CRYBG1: variants seen among roughly 807,000 people sequenced by gnomAD.
CRYBG1 encodes crystallin beta-gamma domain containing 1, also known as beta/gamma crystallin domain-containing protein 1.
CRYBG1 carries 139 observed loss-of-function variants against 189.2 expected under a neutral mutation model. That is an observed-to-expected ratio of 0.73 (90% confidence interval 0.64 to 0.85). CRYBG1 has a LOEUF of 0.85. Ranked by LOEUF, CRYBG1 falls within the 40% of genes least tolerant of loss-of-function variation. The pLI, the probability that CRYBG1 is intolerant of heterozygous loss-of-function variation, is 0.00. For missense variants in CRYBG1, 2,611 were observed against 2,675.8 expected (o/e 0.98, Z 0.53); for synonymous variants, 1,023 against 1,017.1 (o/e 1.01, Z -0.11).
At chr6:106,554,957 G>A (rs1186088395) in intron 16 of CRYBG1, among the ~76,000 whole-genome samples, 1 of 152,118 alleles carries the variant, frequency 6.6e-6, no homozygotes, top group African/African-American at 2.4e-5. Context: ...ACCAGGTCAG[G>A]ATTTCGAGAC....
chr6:106,361,687 A>G (rs1771872221), intron 1 of CRYBG1, among the ~76,000 whole-genome samples: 1 of 152,138 alleles, frequency 6.6e-6, no homozygotes, highest in African/African-American at 2.4e-5. Context: ...TGTAGTTACC[A>G]TTGTGCTTTT....
chr6:106,486,933 T>G (rs779862209), intron 2 of CRYBG1, among the ~76,000 whole-genome samples: 5 of 152,188 alleles, frequency 3.3e-5, no homozygotes, highest in Middle Eastern at 3.2e-3. Context: ...GGTAAGGACT[T>G]ACTCCTGCCA....
chr6:106,372,919 T>C (rs1388597282), intron 1 of CRYBG1, among the ~76,000 whole-genome samples: 1 of 152,204 alleles, frequency 6.6e-6, no homozygotes, highest in Admixed American at 6.5e-5. Flanking sequence ...CAGAGCAGTA[T>C]TTGAAATACT....
At chr6:106,454,463 A>G (rs1771845627) in intron 2 of CRYBG1, among the ~76,000 whole-genome samples, 2 of 152,338 alleles carry the variant, frequency 1.3e-5, no homozygotes, top group Non-Finnish European at 1.5e-5. Context: ...AGTGAGTTCT[A>G]GGGTGCCAGG....
chr6:106,520,773 C>T lies in CRYBG1; in HGVS notation c.3565C>T (p.Pro1189Ser), dbSNP rs368573019. 3.1e-6 allele frequency: 5 copies of T among 1,614,014 alleles called. No individual in the cohort carries two copies. The highest frequency in any genetic ancestry group is 4.2e-6 in the Non-Finnish European group (5 of 1,180,028). ...CCTTGACACAAAATCCAAACTGAGACCCAAACGTGCATCTGCTGAACAGAG... is the reference window on the plus strand; with the variant it reads ...CCTTGACACAAAATCCAAACTGAGATCCAAACGTGCATCTGCTGAACAGAG... The part of the protein sequence containing the change: ...QNLDTKSKLR[P>S]KRASAEQSVL... Residue 1189 changes from proline to serine, a missense_variant, in exon 4 of 22, where the codon CCC (proline) becomes TCC (serine). Pro to Ser is a moderately conservative substitution (Grantham distance 74, BLOSUM62 -1). Transcript: ENST00000633556.
At chr6:106,421,804 A>G (rs1053145839) in intron 1 of CRYBG1, among the ~76,000 whole-genome samples, 1 of 152,300 alleles carries the variant, frequency 6.6e-6, no homozygotes, top group East Asian at 1.9e-4. Context: ...GAGAACTCAC[A>G]GTTCCACTTG....
At chr6:106,392,689 T>A (rs555981444) in intron 1 of CRYBG1, among the ~76,000 whole-genome samples, 1 of 152,206 alleles carries the variant, frequency 6.6e-6, no homozygotes, top group African/African-American at 2.4e-5. Context: ...GACAATGAGA[T>A]CTTCCACGAA....
chr6:106,562,127 C>T (rs1774736993), intron 20 of CRYBG1, among the ~76,000 whole-genome samples: 1 of 151,142 alleles, frequency 6.6e-6, no homozygotes, highest in Non-Finnish European at 1.5e-5. Flanking sequence ...CAAAACAAAA[C>T]AAAACAAAAA....
chr6:106,523,259 C>A (rs73761860), intron 4 of CRYBG1, among the ~76,000 whole-genome samples: 3,184 of 152,242 alleles, frequency 0.021, 119 homozygotes, highest in African/African-American at 0.073. Flanking sequence ...ACAAATAAGA[C>A]TGAATCAGCC....
At chr6:106,442,472 T>G (rs1771582658) in intron 1 of CRYBG1, among the ~76,000 whole-genome samples, 1 of 152,184 alleles carries the variant, frequency 6.6e-6, no homozygotes, top group Non-Finnish European at 1.5e-5. Flanking sequence ...TGCTATAAAG[T>G]TAACTTCAAA....
At position 106,448,626 on chromosome 6, in the gene CRYBG1, A is replaced by G. The variant is rs190803740; in HGVS notation, c.174-3068A>G. On this transcript the variant is annotated intron_variant, in intron 1 of 21. Coordinates refer to ENST00000633556, the MANE Select transcript of CRYBG1 (RefSeq NM_001371242.2). The stretch of plus-strand genomic sequence containing the variant: ...TGGTAGCTCAAATTCCATCTTAAAT[A>G]TGTGTCATCTCTACCTCTCCCAAAG... 1.1e-3 allele frequency among the ~76,000 whole-genome samples: 171 copies of G among 152,318 alleles called. 5 individuals carry two copies. In the South Asian group the frequency reaches 0.015, roughly 14 times the overall value.
intron 2 of CRYBG1, among the ~76,000 whole-genome samples, chr6:106,503,104 C>T (rs2114512092): frequency 6.6e-6 from 1 of 152,268 alleles, no homozygotes; most frequent in South Asian, 2.1e-4. Flanking sequence ...AGTGGGCTGC[C>T]TGGCAGAAGC....
intron 18 of CRYBG1, 146 bp from the exon 19 acceptor site, chr6:106,560,657 G>T (rs1383026399): frequency 1.1e-6 from 1 of 943,556 alleles, no homozygotes; most frequent in Non-Finnish European, 1.4e-6. Flanking sequence ...CTTCTTTTAA[G>T]TGTTCTAGAA....
intron 1 of CRYBG1, among the ~76,000 whole-genome samples, chr6:106,433,937 A>C (rs1011910533): frequency 7.9e-5 from 12 of 152,014 alleles, no homozygotes; most frequent in Admixed American, 7.9e-4. Context: ...CAGTTTGGGC[A>C]GATCGGGAAT....
chr6:106,468,848 T>C (rs186552869), intron 2 of CRYBG1, among the ~76,000 whole-genome samples: 1 of 152,354 alleles, frequency 6.6e-6, no homozygotes, highest in African/African-American at 2.4e-5. Context: ...AACACGACAT[T>C]GTAAGGGTCT....
chr6:106,422,895 C>T (rs888600629), intron 1 of CRYBG1, among the ~76,000 whole-genome samples: 1 of 152,168 alleles, frequency 6.6e-6, no homozygotes, highest in African/African-American at 2.4e-5. Flanking sequence ...ATCACATTAT[C>T]ACCCTTTTTA....
intron 2 of CRYBG1, 131 bp downstream of exon 2, chr6:106,451,963 T>TG: frequency 3.2e-5 from 14 of 431,828 alleles, no homozygotes; most frequent in Non-Finnish European, 4.5e-5. Flanking sequence ...AAATTATATA[T>TG]ATCATATGTA....
intron 1 of CRYBG1, among the ~76,000 whole-genome samples, chr6:106,401,967 A>G (rs1770728300): frequency 6.6e-6 from 1 of 151,840 alleles, no homozygotes; most frequent in East Asian, 1.9e-4. Context: ...TACAAAATCA[A>G]TGTACAAAAA....
chr6:106,506,872 TTAGA>T (rs1773142680), intron 2 of CRYBG1, among the ~76,000 whole-genome samples: 1 of 152,124 alleles, frequency 6.6e-6, no homozygotes, highest in African/African-American at 2.4e-5. Context: ...GGAAAAACCC[TTAGA>T]TAGTCAAATT....
Sources: gnomAD v4.1 joint callset for allele counts (sites outside exome capture counted in the v4.1 genomes callset) on GRCh38, gnomAD v4.1.1 for gene constraint, MANE v1.5 for transcripts, NCBI Gene and HGNC (gene_info 2026-07-23, HGNC 2026-07-21) for gene names.